The following KYAT3 variants were observed in gnomAD, a reference collection of about 807,000 sequenced individuals.
KYAT3 encodes the protein kynurenine aminotransferase 3.
A neutral mutation model predicts 59.0 loss-of-function variants in KYAT3; 50 were observed. That is an observed-to-expected ratio of 0.85 (90% CI 0.68 to 1.07). The LOEUF is 1.07. Ranked by LOEUF, KYAT3 falls within the 50% of genes least tolerant of loss-of-function variation. KYAT3 has a pLI of 0.00. For missense variants in KYAT3, 497 were observed against 533.3 expected (o/e 0.93, Z 0.67); for synonymous variants, 148 against 177.0 (o/e 0.84, Z 1.30).
chr1:88,972,975 T>G (rs1676612518), intron 2 of KYAT3, among the ~76,000 whole-genome samples: 1 of 152,192 alleles, frequency 6.6e-6, no homozygotes, highest in African/African-American at 2.4e-5. Context: ...CCGGATGTAA[T>G]CTTATGTGGA....
At position 88,964,968 on chromosome 1, in the gene KYAT3, G is replaced by A. The variant is rs138090382; in HGVS notation, c.314C>T (p.Ser105Leu). Residue 105 changes from serine (S) to leucine (L), a missense_variant, in exon 5 of 14, where the codon TCA (serine) becomes TTA (leucine). Physicochemically the swap from Ser to Leu is moderately radical, Grantham distance 145. Around this residue, in one of 2 missense-constraint regions of KYAT3, gnomAD observed 469 missense variants for 479.1 expected, o/e 0.98. Transcript: ENST00000260508. ...NQYTRGFGHPSLVKALSYLYE... is the reference protein window; with the variant it reads ...NQYTRGFGHPLLVKALSYLYE... ...CAGATAGGACAGAGCTTTCACAAGT[G>A]ATGGATGGCCCTGTTGGATTAAAAA... is the stretch of plus-strand genomic sequence containing the variant. 1 of 1,600,984 alleles carries A rather than the reference G, an allele frequency of 6.2e-7. No homozygotes were observed. The highest frequency in any genetic ancestry group is 2.3e-5 in the East Asian group (1 of 44,378).
At chr1:88,976,588 T>G (rs568250076) in intron 2 of KYAT3, among the ~76,000 whole-genome samples, 5 of 152,336 alleles carry the variant, frequency 3.3e-5, no homozygotes, top group Admixed American at 2.6e-4. Context: ...TTATTGTTAT[T>G]TTAGAGTGTA....
intron 1 of KYAT3, among the ~76,000 whole-genome samples, chr1:88,992,086 T>C (rs894217267): frequency 1.3e-5 from 2 of 151,116 alleles, no homozygotes; most frequent in Non-Finnish European, 3.0e-5. Context: ...TCACGCCATT[T>C]TCCTGCCTCA....
intron 11 of KYAT3, among the ~76,000 whole-genome samples, chr1:88,948,279 T>C (rs1675529073): frequency 6.6e-6 from 1 of 152,220 alleles, no homozygotes; most frequent in Non-Finnish European, 1.5e-5. Context: ...CATTGGCATA[T>C]AACTTCATTG....
At chr1:88,924,942 C>T in the KYAT3 span, among the ~76,000 whole-genome samples, 6 of 152,152 alleles carry the variant, frequency 3.9e-5, no homozygotes, top group African/African-American at 1.4e-4. Context: ...GGCCAAGAAC[C>T]CCAGATCAGA....
intron 10 of KYAT3, among the ~76,000 whole-genome samples, chr1:88,952,632 T>C (rs898567727): frequency 3.9e-5 from 6 of 152,350 alleles, no homozygotes; most frequent in Admixed American, 2.6e-4. Flanking sequence ...CTATGCTTTC[T>C]GTACAGCCTG....
chr1:88,969,743 G>A lies in KYAT3; in HGVS notation c.100-276C>T, dbSNP rs115606735. On this transcript the variant is annotated intron_variant, in intron 2 of 13. Coordinates refer to ENST00000260508, the MANE Select transcript of KYAT3 (RefSeq NM_001008661.3). The stretch of plus-strand genomic sequence containing the variant: ...TGCAGCTTCAACTATCCAGGCTCAA[G>A]TGATCCTCCTGCCTCAGTCTCCTGA... Among the ~76,000 whole-genome samples, 1,004 of 152,086 alleles carry A rather than the reference G, an allele frequency of 6.6e-3. 10 individuals carry two copies. Among genetic ancestry groups the A allele is most frequent in the African/African-American group, 0.023 (971 of 41,444 alleles).
intron 12 of KYAT3, 48 bp downstream of exon 12, chr1:88,943,302 A>C (rs1039808486): frequency 8.2e-7 from 1 of 1,214,632 alleles, no homozygotes; most frequent in Admixed American, 2.0e-5. Flanking sequence ...TCCTTCAAAA[A>C]TTAACTATAA....
At chr1:88,973,090 A>G (rs1311641576) in intron 2 of KYAT3, among the ~76,000 whole-genome samples, 1 of 152,238 alleles carries the variant, frequency 6.6e-6, no homozygotes, top group African/African-American at 2.4e-5. Flanking sequence ...GGACATATAC[A>G]TAGACCCTGT....
chr1:88,987,857 T>G (rs1160259449), intron 2 of KYAT3, among the ~76,000 whole-genome samples: 1 of 152,210 alleles, frequency 6.6e-6, no homozygotes, highest in Non-Finnish European at 1.5e-5. Flanking sequence ...CTTTCTGCAT[T>G]TTGGTTGACT....
chr1:88,966,195 A>T (rs1676344647), intron 4 of KYAT3, among the ~76,000 whole-genome samples: 2 of 152,130 alleles, frequency 1.3e-5, no homozygotes, highest in African/African-American at 4.8e-5. Context: ...TATTTACAAA[A>T]ACTAGAATAT....
chr1:88,924,038 C>A, the KYAT3 span, among the ~76,000 whole-genome samples: 1 of 152,196 alleles, frequency 6.6e-6, no homozygotes, highest in East Asian at 1.9e-4. Context: ...TAGGTTGTGA[C>A]CAGTACTGTT....
chr1:88,989,289 A>T (rs1677644109), intron 1 of KYAT3, among the ~76,000 whole-genome samples: 1 of 152,216 alleles, frequency 6.6e-6, no homozygotes, highest in Non-Finnish European at 1.5e-5. Context: ...AGGATAATAC[A>T]TCATGACCAA....
chr1:88,941,717 A>AT (rs1675242646), intron 13 of KYAT3, among the ~76,000 whole-genome samples: 2 of 152,024 alleles, frequency 1.3e-5, no homozygotes, highest in Non-Finnish European at 2.9e-5. Context: ...AATTAAAAAT[A>AT]TTTTTTTATA....
At chr1:88,972,141 T>A (rs1676577711) in intron 2 of KYAT3, among the ~76,000 whole-genome samples, 1 of 152,200 alleles carries the variant, frequency 6.6e-6, no homozygotes, top group South Asian at 2.1e-4. Context: ...GCAGAGCAGG[T>A]TGGAGACTCA....
chr1:88,978,171 A>C (rs913527484), intron 2 of KYAT3, among the ~76,000 whole-genome samples: 1 of 152,180 alleles, frequency 6.6e-6, no homozygotes, highest in Admixed American at 6.5e-5. Flanking sequence ...ATTTAGTATT[A>C]ATTCATTCCT....
At position 88,935,961 on chromosome 1, in the gene KYAT3, T is replaced by G. The variant is rs76870834; in HGVS notation, c.*222A>C. On this transcript the variant is annotated 3_prime_UTR_variant, in exon 14 of 14. Transcript: ENST00000260508. ...ATCCACTATGTTATGCTGACTCTTA[T>G]AAAATGATTGTGGAAGGTGTGTTAA... 5 of 473,448 alleles carry G rather than the reference T, an allele frequency of 1.1e-5. No individual in the cohort carries two copies. The highest frequency in any genetic ancestry group is 1.9e-5 in the African/African-American group (1 of 52,608). The allele number at this position is 473,448 out of a possible 1,614,324, so 29.3% of individuals were successfully genotyped here. A position where few individuals can be genotyped will look rare whatever the true frequency, so the allele number is the denominator to read the frequency against.
At chr1:88,954,000 C>G (rs1675799539) in intron 9 of KYAT3, among the ~76,000 whole-genome samples, 1 of 151,634 alleles carries the variant, frequency 6.6e-6, no homozygotes, top group Admixed American at 6.6e-5. Flanking sequence ...CTCCCAGGTA[C>G]AGGTGATTCT....
At chr1:88,985,189 A>T (rs1677377009) in intron 2 of KYAT3, among the ~76,000 whole-genome samples, 1 of 152,224 alleles carries the variant, frequency 6.6e-6, no homozygotes, top group Non-Finnish European at 1.5e-5. Context: ...TCTCAAAAAA[A>T]ATTGGGTTCA....
Sources: allele counts gnomAD v4.1 joint callset (sites outside exome capture counted in the v4.1 genomes callset), GRCh38; gene constraint gnomAD v4.1.1; regional missense constraint gnomAD v4.1.1; transcripts MANE v1.5; gene names NCBI Gene and HGNC (gene_info 2026-07-23, HGNC 2026-07-21).